DYM: variants seen among roughly 807,000 people sequenced by gnomAD.
DYM encodes the protein dyggve-Melchior-Clausen syndrome protein.
DYM carries 78 observed loss-of-function variants against 93.1 expected under a neutral mutation model. The observed-to-expected ratio is 0.84, with a 90% CI of 0.70 to 1.01. DYM has a LOEUF of 1.01. DYM is among the 50% of genes least tolerant of loss of function. The probability of loss-of-function intolerance (pLI) is 0.00; values close to 1 mark genes in which losing one functional copy is unlikely to be tolerated. For synonymous variants in DYM, 321 were observed against 319.7 expected (o/e 1.00, Z -0.04); for missense variants, 789 against 845.0 (o/e 0.93, Z 0.82).
chr18:49,113,333 C>G (rs1256398564), intron 16 of DYM, among the ~76,000 whole-genome samples: 1 of 152,156 alleles, frequency 6.6e-6, no homozygotes, highest in Non-Finnish European at 1.5e-5. Flanking sequence ...ATTTTATGTT[C>G]TCTCTTGTTT....
intron 15 of DYM, among the ~76,000 whole-genome samples, chr18:49,157,022 T>G (rs1017309237): frequency 2.0e-5 from 3 of 152,120 alleles, no homozygotes; most frequent in South Asian, 4.2e-4. Flanking sequence ...TTGTTCTTGG[T>G]GGTCACTCTG....
chr18:49,138,095 C>CT (rs537944550), intron 15 of DYM, among the ~76,000 whole-genome samples: 4 of 151,998 alleles, frequency 2.6e-5, no homozygotes, highest in African/African-American at 7.2e-5. Flanking sequence ...AGGGGTTTTT[C>CT]TTTTTTTATG....
At chr18:49,117,958 A>C (rs181831896) in intron 16 of DYM, among the ~76,000 whole-genome samples, 1 of 150,224 alleles carries the variant, frequency 6.7e-6, no homozygotes, top group Non-Finnish European at 1.5e-5. Context: ...CGGCCTCCCA[A>C]AGTGCTGGGA....
At chr18:49,105,961 CTTG>C (rs1365250146) in intron 16 of DYM, among the ~76,000 whole-genome samples, 1 of 152,108 alleles carries the variant, frequency 6.6e-6, no homozygotes, top group Non-Finnish European at 1.5e-5. Context: ...CCTGGATATC[CTTG>C]TTAACTTTCT....
chr18:49,369,338 T>C (rs1309241584), intron 5 of DYM, among the ~76,000 whole-genome samples: 1 of 152,184 alleles, frequency 6.6e-6, no homozygotes, highest in Non-Finnish European at 1.5e-5. Flanking sequence ...AACAGATCTC[T>C]AGTATTAAAC....
chr18:49,086,335 C>T (rs1176571442), intron 17 of DYM, among the ~76,000 whole-genome samples: 1 of 152,182 alleles, frequency 6.6e-6, no homozygotes, highest in Non-Finnish European at 1.5e-5. Flanking sequence ...GCTCAGGCCT[C>T]TCTTTCTCCT....
At chr18:49,168,090 A>C (rs539237340) in intron 14 of DYM, among the ~76,000 whole-genome samples, 6 of 152,332 alleles carry the variant, frequency 3.9e-5, no homozygotes, top group South Asian at 4.1e-4. Flanking sequence ...AATATTACAC[A>C]TCATTTACAG....
intron 8 of DYM, among the ~76,000 whole-genome samples, chr18:49,304,357 C>T (rs1220942586): frequency 6.6e-6 from 1 of 152,206 alleles, no homozygotes; most frequent in East Asian, 1.9e-4. Flanking sequence ...AACTCATTAC[C>T]TACCTTCCCC....
chr18:49,118,720 A>C (rs1264080224), intron 16 of DYM, 24 bp downstream of exon 16: 2 of 1,596,956 alleles, frequency 1.3e-6, no homozygotes, highest in African/African-American at 2.7e-5. Flanking sequence ...AAGAATCATA[A>C]TAAATGTCTT....
At chr18:49,350,037 A>G (rs2064971767) in intron 6 of DYM, among the ~76,000 whole-genome samples, 1 of 152,236 alleles carries the variant, frequency 6.6e-6, no homozygotes, top group Non-Finnish European at 1.5e-5. Context: ...GCAAGGCTCT[A>G]CTAGAGGCTT....
Position 49,151,344 on chromosome 18 carries a change from G to A in DYM, c.1728+12341C>T, listed in dbSNP as rs180710964. 1.1e-4 allele frequency among the ~76,000 whole-genome samples: 16 copies of A among 152,172 alleles called. No homozygotes were observed. The East Asian group carries it at 1.2e-3, about 11-fold the overall frequency. ...GAAAAACAAGCAGAGCTGAATTCTC[G>A]AATACAATTTGTTTTCAGAAATTAA... On this transcript the variant is annotated intron_variant, in intron 15 of 17. Coordinates refer to ENST00000675505, the MANE Select transcript of DYM (RefSeq NM_001353214.3).
chr18:49,287,306 C>T (rs115507823), intron 8 of DYM, among the ~76,000 whole-genome samples: 172 of 150,394 alleles, frequency 1.1e-3, no homozygotes, highest in African/African-American at 3.9e-3. Flanking sequence ...ATGGTCATCT[C>T]GAGAGTTTCC....
intron 10 of DYM, among the ~76,000 whole-genome samples, chr18:49,281,249 T>C (rs962487651): frequency 2.0e-5 from 3 of 152,176 alleles, no homozygotes; most frequent in Admixed American, 2.0e-4. Flanking sequence ...AAAACCTCAA[T>C]GAGATACCAT....
intron 13 of DYM, among the ~76,000 whole-genome samples, chr18:49,219,165 A>G (rs947472282): frequency 1.3e-5 from 2 of 152,228 alleles, no homozygotes; most frequent in African/African-American, 4.8e-5. Flanking sequence ...GAAGAAATGG[A>G]TAAATTCCTC....
intron 8 of DYM, among the ~76,000 whole-genome samples, chr18:49,297,511 T>A (rs1568198585): frequency 6.6e-6 from 1 of 152,164 alleles, no homozygotes; most frequent in Non-Finnish European, 1.5e-5. Flanking sequence ...AATAATTACT[T>A]GAGCCACATG....
chr18:49,421,737 G>A (rs918588267), intron 2 of DYM, among the ~76,000 whole-genome samples: 27 of 152,300 alleles, frequency 1.8e-4, no homozygotes, highest in South Asian at 8.3e-4. Context: ...AAACCATCGC[G>A]AAGAAGCTAA....
intron 1 of DYM, among the ~76,000 whole-genome samples, chr18:49,441,142 TATATA>T (rs557784782): frequency 0.54 from 4,215 of 7,836 alleles, 1,175 homozygotes; most frequent in Middle Eastern, 0.9. Context: ...ATAAATATAT[TATATA>T]ATATAATATA....
intron 6 of DYM, among the ~76,000 whole-genome samples, chr18:49,350,451 T>C (rs979798499): frequency 1.3e-5 from 2 of 152,180 alleles, no homozygotes; most frequent in Non-Finnish European, 2.9e-5. Context: ...CTTACGTCTG[T>C]AATCCCAGCA....
chr18:49,437,325 G>A (rs2148533034), intron 1 of DYM, among the ~76,000 whole-genome samples: 1 of 152,102 alleles, frequency 6.6e-6, no homozygotes, highest in East Asian at 1.9e-4. Flanking sequence ...TCAATATATA[G>A]GAAGTCATTA....
Sources: gnomAD v4.1 joint callset for allele counts (sites outside exome capture counted in the v4.1 genomes callset) on GRCh38, gnomAD v4.1.1 for gene constraint, MANE v1.5 for transcripts, NCBI Gene and HGNC (gene_info 2026-07-23, HGNC 2026-07-21) for gene names.